Variants in PC observed in about 807,000 individuals in gnomAD.
PC encodes pyruvate carboxylase, also known as pyruvate carboxylase, mitochondrial.
PC carries 46 observed loss-of-function variants against 107.8 expected under a neutral mutation model. The observed-to-expected ratio is 0.43, with a 90% confidence interval of 0.34 to 0.55. The LOEUF is 0.55. Ranked by LOEUF, PC falls within the 20% of genes least tolerant of loss-of-function variation. The pLI is 0.04. For missense variants in PC, 1,241 were observed against 1,643.1 expected, an observed-to-expected ratio of 0.76 and a Z score of 4.23; for synonymous variants, 662 against 684.7, an observed-to-expected ratio of 0.97 and a Z score of 0.52.
intron 1 of PC, among the ~76,000 whole-genome samples, chr11:66,956,204 G>A (rs1253681181): frequency 6.6e-6 from 1 of 152,164 alleles, no homozygotes; most frequent in Non-Finnish European, 1.5e-5. Flanking sequence ...GACCAATCAA[G>A]TTTCTTACAC....
At chr11:66,907,403 T>C (rs1948197757) in intron 3 of PC, among the ~76,000 whole-genome samples, 1 of 151,990 alleles carries the variant, frequency 6.6e-6, no homozygotes, top group Non-Finnish European at 1.5e-5. Context: ...GGCACACACG[T>C]GTAATCCCAG....
At chr11:66,863,525 A>C (rs1268749030) in intron 12 of PC, among the ~76,000 whole-genome samples, 2 of 152,190 alleles carry the variant, frequency 1.3e-5, no homozygotes, top group African/African-American at 4.8e-5. Flanking sequence ...GACAGGAGGC[A>C]TGTGAGGACG....
intron 3 of PC, among the ~76,000 whole-genome samples, chr11:66,913,771 A>G (rs1454493974): frequency 6.6e-6 from 1 of 152,092 alleles, no homozygotes; most frequent in East Asian, 1.9e-4. Flanking sequence ...ACGTAGAGGG[A>G]TGGAGAGTAC....
chr11:66,903,808 A>ACCCACAC (rs1346419839), intron 3 of PC, among the ~76,000 whole-genome samples: 1 of 138,126 alleles, frequency 7.2e-6, no homozygotes, highest in African/African-American at 2.7e-5. Context: ...ACCCACACAC[A>ACCCACAC]CCCACACACA....
chr11:66,921,025 C>CA (rs529029813), intron 3 of PC, among the ~76,000 whole-genome samples: 5,565 of 103,940 alleles, frequency 0.054, 352 homozygotes, highest in African/African-American at 0.17. Flanking sequence ...GACTCCGTCT[C>CA]AAAAAAAAAA....
chr11:66,935,434 G>C lies in PC; in HGVS notation c.-1+16996C>G, dbSNP rs117270768. ...CTTGGGCAACATGGCAGGGAGAAGAGCCCTGCCTTAGATGGAGGTAGACTC... is the reference window on the plus strand; with the variant it reads ...CTTGGGCAACATGGCAGGGAGAAGACCCCTGCCTTAGATGGAGGTAGACTC... On this transcript the variant is annotated intron_variant, in intron 3 of 22. Coordinates refer to ENST00000393960, the MANE Select transcript of PC (RefSeq NM_001040716.2). Among the ~76,000 whole-genome samples, 24 of 152,294 alleles carry C rather than the reference G, an allele frequency of 1.6e-4. No individual in the cohort carries two copies. The East Asian group carries it at 4.6e-3, about 29-fold the overall frequency.
chr11:66,940,573 A>G (rs1949105589), intron 3 of PC, among the ~76,000 whole-genome samples: 2 of 151,916 alleles, frequency 1.3e-5, no homozygotes, highest in African/African-American at 4.8e-5. Context: ...AAAAAAATAC[A>G]GCTACAAGGG....
chr11:66,868,432 A>T (rs1401020545), intron 10 of PC, among the ~76,000 whole-genome samples: 1 of 152,262 alleles, frequency 6.6e-6, no homozygotes, highest in Non-Finnish European at 1.5e-5. Context: ...CTATTGCATC[A>T]AACTATGTCT....
intron 11 of PC, 50 bp from the exon 12 acceptor site, chr11:66,864,006 A>G (rs771227504): frequency 5.1e-5 from 82 of 1,596,586 alleles, no homozygotes; most frequent in Non-Finnish European, 6.5e-5. Context: ...TGCGGTCAAA[A>G]GTGCCCCACC....
intron 3 of PC, among the ~76,000 whole-genome samples, chr11:66,903,769 A>ATATAT (rs1229329589): frequency 8.1e-5 from 7 of 86,794 alleles, no homozygotes; most frequent in Non-Finnish European, 1.7e-4. Flanking sequence ...AAAAAAAAAA[A>ATATAT]AAAAATATAT....
intron 11 of PC, among the ~76,000 whole-genome samples, chr11:66,865,851 G>A (rs941024654): frequency 1.3e-5 from 2 of 152,132 alleles, no homozygotes; most frequent in East Asian, 1.9e-4. Context: ...CTTGGGCTCC[G>A]TCGGCAGCCA....
chr11:66,889,180 G>T (rs1414839891), intron 3 of PC, among the ~76,000 whole-genome samples: 9 of 152,076 alleles, frequency 5.9e-5, no homozygotes, highest in Non-Finnish European at 7.4e-5. Flanking sequence ...GTGTGGGGCA[G>T]GGTTTGAGAT....
At chr11:66,917,491 A>T (rs1948490199) in intron 3 of PC, among the ~76,000 whole-genome samples, 1 of 152,202 alleles carries the variant, frequency 6.6e-6, no homozygotes, top group Non-Finnish European at 1.5e-5. Context: ...TCAAGAGCAT[A>T]GAGAATTGAT....
At chr11:66,864,972 T>C (rs1426878607) in intron 11 of PC, among the ~76,000 whole-genome samples, 1 of 151,948 alleles carries the variant, frequency 6.6e-6, no homozygotes, top group Non-Finnish European at 1.5e-5. Context: ...ATAAAATATT[T>C]AAGGGTGAAC....
chr11:66,909,051 T>G lies in PC; in HGVS notation c.1-36892A>C, dbSNP rs1948254570. ...CTATCTGGGAATAAAGAGTAGAGGA[T>G]CAGCTGGAATGCCAAAGTGGGAAAT... is the stretch of plus-strand genomic sequence containing the variant. On this transcript the variant is annotated intron_variant, in intron 3 of 22. Transcript: ENST00000393960. 2.0e-5 allele frequency among the ~76,000 whole-genome samples: 3 copies of G among 152,114 alleles called. No individual in the cohort carries two copies. The South Asian group carries it at 6.2e-4, about 31-fold the overall frequency.
At chr11:66,861,849 G>T (rs1422506016) in intron 12 of PC, among the ~76,000 whole-genome samples, 4 of 152,160 alleles carry the variant, frequency 2.6e-5, no homozygotes, top group Non-Finnish European at 5.9e-5. Flanking sequence ...TCCACCTGGG[G>T]GGCGGGGGAC....
At chr11:66,943,156 G>A (rs530443410) in intron 3 of PC, among the ~76,000 whole-genome samples, 1 of 152,170 alleles carries the variant, frequency 6.6e-6, no homozygotes, top group South Asian at 2.1e-4. Context: ...TGTCATGAGG[G>A]TCCTGTTCTA....
Position 66,848,848 on chromosome 11 carries a change from C to A in PC, c.*51G>T. 2.5e-6 allele frequency: 4 copies of A among 1,612,204 alleles called. No individual in the cohort carries two copies. The highest frequency in any genetic ancestry group is 3.4e-6 in the Non-Finnish European group (4 of 1,179,782). ...CTGGCCTGGGCCTGCCGTGGCAGCACAGCTTCTGTTGAAGGCTTGGGGATG... is the reference window on the plus strand; with the variant it reads ...CTGGCCTGGGCCTGCCGTGGCAGCAAAGCTTCTGTTGAAGGCTTGGGGATG... On this transcript the variant is annotated 3_prime_UTR_variant, in exon 23 of 23. Coordinates refer to ENST00000393960, the MANE Select transcript of PC (RefSeq NM_001040716.2).
At chr11:66,886,000 C>T (rs1339926807) in intron 3 of PC, among the ~76,000 whole-genome samples, 2 of 152,214 alleles carry the variant, frequency 1.3e-5, no homozygotes, top group Non-Finnish European at 2.9e-5. Context: ...CAGGCCACAG[C>T]GGTGGCTTTC....
Sources: gnomAD v4.1 joint callset for allele counts (sites outside exome capture counted in the v4.1 genomes callset) on GRCh38, gnomAD v4.1.1 for gene constraint, MANE v1.5 for transcripts, NCBI Gene and HGNC (gene_info 2026-07-23, HGNC 2026-07-21) for gene names.